The following ZNF385D variants were observed in gnomAD, a reference collection of about 807,000 sequenced individuals.
ZNF385D encodes the protein zinc finger protein 659.
ZNF385D carries 15 observed loss-of-function variants against 35.8 expected under a neutral mutation model. The observed-to-expected ratio is 0.42, with a 90% CI of 0.28 to 0.64. The LOEUF (loss-of-function observed/expected upper bound fraction) is 0.64. ZNF385D is among the 30% of genes least tolerant of loss of function. The probability of loss-of-function intolerance (pLI) is 0.23; values close to 1 mark genes in which losing one functional copy is unlikely to be tolerated. For missense variants in ZNF385D, 474 were observed against 494.6 expected, an observed-to-expected ratio of 0.96 and a Z score of 0.39; for synonymous variants, 212 against 186.8, an observed-to-expected ratio of 1.13 and a Z score of -1.10.
intron 3 of ZNF385D, among the ~76,000 whole-genome samples, chr3:21,911,082 T>C (rs1227179049): frequency 6.6e-6 from 1 of 151,912 alleles, no homozygotes; most frequent in Non-Finnish European, 1.5e-5. Flanking sequence ...TATGTGTTTT[T>C]AAAATGATAT....
chr3:22,088,667 A>C (rs1196714911), intron 3 of ZNF385D, among the ~76,000 whole-genome samples: 2 of 152,132 alleles, frequency 1.3e-5, no homozygotes, highest in Non-Finnish European at 2.9e-5. Flanking sequence ...GGGACCATAC[A>C]TAAGCTGCAG....
At chr3:22,246,768 T>TTA (rs1454241054) in intron 2 of ZNF385D, among the ~76,000 whole-genome samples, 1 of 152,132 alleles carries the variant, frequency 6.6e-6, no homozygotes, top group East Asian at 1.9e-4. Flanking sequence ...GAGAAGTTAT[T>TTA]TAATTCTGTC....
At chr3:22,031,774 C>G (rs1698017678) in intron 3 of ZNF385D, among the ~76,000 whole-genome samples, 1 of 152,212 alleles carries the variant, frequency 6.6e-6, no homozygotes, top group South Asian at 2.1e-4. Flanking sequence ...AAATGGGTTT[C>G]TCTTTTCTAC....
At chr3:21,766,824 T>C (rs1198973222) in intron 3 of ZNF385D, among the ~76,000 whole-genome samples, 2 of 152,036 alleles carry the variant, frequency 1.3e-5, no homozygotes, top group Non-Finnish European at 2.9e-5. Flanking sequence ...CTAGTTAAAA[T>C]TGTATTTACT....
intron 3 of ZNF385D, among the ~76,000 whole-genome samples, chr3:22,011,223 G>A (rs917277805): frequency 6.6e-6 from 1 of 151,896 alleles, no homozygotes; most frequent in African/African-American, 2.4e-5. Context: ...CCACCAATGA[G>A]AGAAATTTAT....
chr3:22,338,174 C>A (rs1052215963), intron 2 of ZNF385D, among the ~76,000 whole-genome samples: 13 of 152,150 alleles, frequency 8.5e-5, no homozygotes, highest in Non-Finnish European at 1.9e-4. Flanking sequence ...AAGAGACCTG[C>A]AATAGATCTC....
chr3:22,084,142 C>T (rs143094423), intron 3 of ZNF385D, among the ~76,000 whole-genome samples: 4 of 152,248 alleles, frequency 2.6e-5, no homozygotes, highest in South Asian at 2.1e-4. Flanking sequence ...CAAATTGTAA[C>T]GACCATCGTT....
intron 3 of ZNF385D, among the ~76,000 whole-genome samples, chr3:21,945,163 C>T (rs74632413): frequency 4.9e-5 from 6 of 123,430 alleles, no homozygotes; most frequent in African/African-American, 3.8e-5. Flanking sequence ...TATACACACA[C>T]ATATATATAT....
intron 3 of ZNF385D, among the ~76,000 whole-genome samples, chr3:22,124,098 C>T (rs1703282672): frequency 6.6e-6 from 1 of 151,626 alleles, no homozygotes; most frequent in African/African-American, 2.4e-5. Flanking sequence ...CCCTACAATT[C>T]TCAGCTTCTG....
At chr3:22,005,666 T>A (rs921183398) in intron 3 of ZNF385D, among the ~76,000 whole-genome samples, 20 of 152,072 alleles carry the variant, frequency 1.3e-4, no homozygotes, top group African/African-American at 4.3e-4. Context: ...CATTATATTC[T>A]CACACCTCAT....
chr3:22,144,304 G>T (rs6550663), intron 3 of ZNF385D, among the ~76,000 whole-genome samples: 111,097 of 152,052 alleles, frequency 0.73, 41,541 homozygotes, highest in African/African-American at 0.89. Context: ...TCAGGCATGG[G>T]AGCTCACACC....
intron 3 of ZNF385D, among the ~76,000 whole-genome samples, chr3:22,030,628 T>G (rs1179169017): frequency 6.6e-6 from 1 of 152,010 alleles, no homozygotes; most frequent in Non-Finnish European, 1.5e-5. Flanking sequence ...GTTTCTCCCT[T>G]GACACATGAA....
At chr3:21,625,568 A>G (rs1381579995) in intron 2 of ZNF385D, among the ~76,000 whole-genome samples, 1 of 152,132 alleles carries the variant, frequency 6.6e-6, no homozygotes, top group Non-Finnish European at 1.5e-5. Context: ...CCTTGCTTAC[A>G]TTAGAAGAAA....
At chr3:21,723,589 A>T (rs914438174) in intron 1 of ZNF385D, among the ~76,000 whole-genome samples, 9 of 152,236 alleles carry the variant, frequency 5.9e-5, no homozygotes, top group Admixed American at 6.5e-5. Context: ...TAAAGAAGAC[A>T]AGATTAGAGA....
chr3:22,073,804 T>A lies in ZNF385D; in HGVS notation c.325+95013A>T, dbSNP rs144036240. Among the ~76,000 whole-genome samples the A allele has an allele frequency of 5.6e-3, 852 of 152,060 alleles. 10 individuals are homozygous for A. The highest frequency in any genetic ancestry group is 0.018 in the African/African-American group (757 of 41,546). The stretch of plus-strand genomic sequence containing the variant: ...AGGTAAAAGCATACTATTTTTAGAA[T>A]TTTAAAAAATACAGAAAGAGGTTAT... On this transcript the variant is annotated intron_variant, in intron 3 of 5. Transcript: ENST00000494108.
intron 3 of ZNF385D, among the ~76,000 whole-genome samples, chr3:22,062,090 T>G (rs1174000340): frequency 6.6e-6 from 1 of 152,188 alleles, no homozygotes; most frequent in East Asian, 1.9e-4. Flanking sequence ...CAGGCTGGAG[T>G]GCAGTGGCAT....
chr3:22,347,093 AAG>A (rs575430442), intron 2 of ZNF385D, among the ~76,000 whole-genome samples: 4 of 145,714 alleles, frequency 2.7e-5, no homozygotes, highest in Non-Finnish European at 5.9e-5. Flanking sequence ...AAGTGACATA[AAG>A]AGAGAGACAC....
rs142264279 is a variant in ZNF385D, at chr3:21,438,315, C to T, written c.440-1112G>A. Among the ~76,000 whole-genome samples, 772 of 152,278 alleles carry T rather than the reference C, an allele frequency of 5.1e-3. 18 individuals are homozygous for T. Among genetic ancestry groups the T allele is most frequent in the Non-Finnish European group, 1.9e-3 (132 of 68,018 alleles). ...GCTACATCTGCTATTGAAGCTGTCT[C>T]TCATTCCATATACTGCTATGGTCAC... On this transcript the variant is annotated intron_variant, in intron 4 of 7. Transcript: ENST00000281523.
chr3:22,338,403 T>G lies in ZNF385D; in HGVS notation c.106+34047A>C, dbSNP rs371534560. On this transcript the variant is annotated intron_variant, in intron 2 of 5. Transcript: ENST00000494108. ...TTACTTTTGATAACATAGAATTCCATAACAGTTTAGTAATTGAAGACCTAT... is the reference window on the plus strand; with the variant it reads ...TTACTTTTGATAACATAGAATTCCAGAACAGTTTAGTAATTGAAGACCTAT... Among the ~76,000 whole-genome samples the G allele has an allele frequency of 1.5e-4, 23 of 152,270 alleles. No homozygotes were observed. In the South Asian group the frequency reaches 1.7e-3, roughly 11 times the overall value.
Sources: gnomAD v4.1 joint callset for allele counts (sites outside exome capture counted in the v4.1 genomes callset) on GRCh38, gnomAD v4.1.1 for gene constraint, MANE v1.5 for transcripts, NCBI Gene and HGNC (gene_info 2026-07-23, HGNC 2026-07-21) for gene names.